The following MIA2 variants were observed in gnomAD, a reference collection of about 807,000 sequenced individuals.
The protein encoded by MIA2 is MIA SH3 domain ER export factor 2, also known as melanoma inhibitory activity protein 2.
In MIA2, 127 loss-of-function variants were observed where a neutral mutation model predicts 167.8. The ratio of observed to expected loss-of-function variants is 0.76; its 90% CI spans 0.66 to 0.88. MIA2 has a LOEUF of 0.88. Among genes scored for constraint, MIA2 ranks in the 40% least tolerant of loss-of-function variants. The pLI is 0.00. For missense variants in MIA2, 1,690 were observed against 1,624.7 expected, an observed-to-expected ratio of 1.04 and a Z score of -0.69; for synonymous variants, 552 against 541.9, an observed-to-expected ratio of 1.02 and a Z score of -0.26.
chr14:39,255,741 C>T (rs1204572915), intron 6 of MIA2, among the ~76,000 whole-genome samples: 2 of 152,194 alleles, frequency 1.3e-5, no homozygotes, highest in South Asian at 2.1e-4. Context: ...ACACATGATA[C>T]TCACTTCTAT....
chr14:39,340,336 C>T (rs962239011), intron 25 of MIA2, among the ~76,000 whole-genome samples: 18 of 152,268 alleles, frequency 1.2e-4, no homozygotes, highest in Admixed American at 1.1e-3. Context: ...GGTTGCTAGC[C>T]TGGCATGTTT....
At chr14:39,358,887 G>C (rs1222745785) in intron 23 of MIA2, among the ~76,000 whole-genome samples, 2 of 152,198 alleles carry the variant, frequency 1.3e-5, no homozygotes, top group East Asian at 3.8e-4. Flanking sequence ...AACAGCCAAT[G>C]TTGCTGCCTG....
chr14:39,380,371 T>C (rs2075130092), intron 23 of MIA2, among the ~76,000 whole-genome samples: 1 of 152,072 alleles, frequency 6.6e-6, no homozygotes, highest in African/African-American at 2.4e-5. Flanking sequence ...TCTCAAAATA[T>C]AGAGAGAAAG....
At chr14:39,380,134 A>G (rs2075124882) in intron 23 of MIA2, among the ~76,000 whole-genome samples, 2 of 152,230 alleles carry the variant, frequency 1.3e-5, no homozygotes, top group Admixed American at 6.5e-5. Flanking sequence ...GAAAGAAAAC[A>G]TTTCCTTCAG....
chr14:39,359,216 A>G (rs905380623), intron 23 of MIA2, among the ~76,000 whole-genome samples: 2 of 152,164 alleles, frequency 1.3e-5, no homozygotes, highest in South Asian at 2.1e-4. Context: ...CGAGCTTCCA[A>G]GCAGGTTTGT....
intron 6 of MIA2, chr14:39,266,893 CCACCG>C: frequency 1.4e-6 from 1 of 705,982 alleles, no homozygotes; most frequent in African/African-American, 1.9e-5. Context: ...GCCGCCGCCG[CCACCG>C]CGGCCGCCCG....
intron 24 of MIA2, among the ~76,000 whole-genome samples, chr14:39,321,493 T>G (rs928738156): frequency 7.9e-5 from 12 of 151,690 alleles, no homozygotes; most frequent in Non-Finnish European, 1.3e-4. Flanking sequence ...TTTTTTTGTA[T>G]TTTTAGTAGA....
intron 25 of MIA2, among the ~76,000 whole-genome samples, chr14:39,328,048 G>A (rs2067939566): frequency 6.6e-6 from 1 of 152,196 alleles, no homozygotes; most frequent in South Asian, 2.1e-4. Context: ...TCGCCACACT[G>A]TCTTCCACAA....
downstream of MIA2, among the ~76,000 whole-genome samples, chr14:39,353,818 G>C (rs977106998): frequency 6.6e-6 from 1 of 152,092 alleles, no homozygotes; most frequent in African/African-American, 2.4e-5. Flanking sequence ...TGCGGTGTTT[G>C]GTTTTTTGTC....
chr14:39,285,423 G>T (rs1286752676), intron 9 of MIA2, among the ~76,000 whole-genome samples: 7 of 149,070 alleles, frequency 4.7e-5, no homozygotes, highest in Non-Finnish European at 7.5e-5. Flanking sequence ...GCCGGGCGGG[G>T]GCTGACCCCC....
At chr14:39,381,790 C>G (rs2075169440) in intron 23 of MIA2, among the ~76,000 whole-genome samples, 1 of 151,084 alleles carries the variant, frequency 6.6e-6, no homozygotes, top group Non-Finnish European at 1.5e-5. Flanking sequence ...TTGGTCAAAC[C>G]CAATGGGAAA....
At position 39,250,257 on chromosome 14, in the gene MIA2, C is replaced by CA. The variant is rs527348386; in HGVS notation, c.1567+2123dup. ...ACTCAAGGAATACAAAAGGATTTCACAAAAAAATCACTTTCGTACATTTTA... is the reference window on the plus strand; with the variant it reads ...ACTCAAGGAATACAAAAGGATTTCACAAAAAAAATCACTTTCGTACATTTTA... On this transcript the variant is annotated intron_variant, in intron 4 of 28. Coordinates refer to ENST00000640607, the MANE Select transcript of MIA2 (RefSeq NM_001329214.4). Among the ~76,000 whole-genome samples the CA allele has an allele frequency of 3.8e-4, 58 of 152,134 alleles. No homozygotes were observed. The South Asian group carries it at 0.011, about 30-fold the overall frequency.
At chr14:39,340,860 A>G (rs80149909) in intron 25 of MIA2, among the ~76,000 whole-genome samples, 1 of 152,186 alleles carries the variant, frequency 6.6e-6, no homozygotes, top group Non-Finnish European at 1.5e-5. Flanking sequence ...AACTTTAAAA[A>G]TCTGTGTTTA....
At chr14:39,355,009 T>C (rs1426437904), downstream of MIA2, among the ~76,000 whole-genome samples, 4 of 152,170 alleles carry the variant, frequency 2.6e-5, no homozygotes, top group Admixed American at 2.6e-4. Flanking sequence ...CCTCCAGCTT[T>C]GTTCTTTTGG....
chr14:39,254,671 G>C (rs146916057), intron 6 of MIA2, among the ~76,000 whole-genome samples: 1 of 152,302 alleles, frequency 6.6e-6, no homozygotes, highest in East Asian at 1.9e-4. Context: ...CAGATACTCT[G>C]ATTTTCAAGA....
chr14:39,326,153 C>T (rs1044569970), intron 24 of MIA2, among the ~76,000 whole-genome samples: 1 of 152,172 alleles, frequency 6.6e-6, no homozygotes, highest in African/African-American at 2.4e-5. Context: ...GTGATTATTT[C>T]AACAGTGCTG....
At chr14:39,316,372 A>G (rs1248324850) in intron 21 of MIA2, among the ~76,000 whole-genome samples, 2 of 152,178 alleles carry the variant, frequency 1.3e-5, no homozygotes, top group African/African-American at 2.4e-5. Context: ...GGGTGAATAC[A>G]TGGAGTTTGG....
At chr14:39,386,704 T>C in intron 23 of MIA2, 1 of 1,263,304 alleles carries the variant, frequency 7.9e-7, no homozygotes, top group Non-Finnish European at 1.2e-6. Context: ...TCTTGCCTCT[T>C]CCAATGCTTC....
rs905715563 is a variant in MIA2 at position 39,299,979 on chromosome 14, A to T, written c.2612A>T (p.His871Leu). 3.8e-6 allele frequency: 6 copies of T among 1,592,724 alleles called. No homozygotes were observed. Among genetic ancestry groups the T allele is most frequent in the Admixed American group, 3.6e-5 (2 of 55,470 alleles). ...CAAGTTCTAAATGATAAAGAAAGTC[A>T]CATCAAGGTAAATGGCTCTACTGGT... ...AEQVLNDKES[H>L]IKTLTERLLK... The change falls in exon 14 of 29, where the codon CAC becomes CTC. Residue 871 changes from histidine to leucine, a missense_variant. By Grantham distance (99) the His-to-Leu change is moderately conservative. Coordinates refer to ENST00000640607, the MANE Select transcript of MIA2 (RefSeq NM_001329214.4).
Sources: allele counts gnomAD v4.1 joint callset (sites outside exome capture counted in the v4.1 genomes callset), GRCh38; gene constraint gnomAD v4.1.1; transcripts MANE v1.5; gene names NCBI Gene and HGNC (gene_info 2026-07-23, HGNC 2026-07-21).